MAML3: variants seen among roughly 807,000 people sequenced by gnomAD.
The protein encoded by MAML3 is mastermind-like protein 3.
MAML3 carries 27 observed loss-of-function variants against 101.9 expected under a neutral mutation model. The observed-to-expected ratio is 0.27, with a 90% CI of 0.20 to 0.37. The LOEUF is 0.37. Among genes scored for constraint, MAML3 ranks in the 10% least tolerant of loss-of-function variants. MAML3 has a pLI of 1.00. For synonymous variants in MAML3, 501 were observed against 555.9 expected, an observed-to-expected ratio of 0.90 and a Z score of 1.39; for missense variants, 1,316 against 1,444.9, an observed-to-expected ratio of 0.91 and a Z score of 1.45.
intron 1 of MAML3, among the ~76,000 whole-genome samples, chr4:140,030,373 G>T (rs2110890360): frequency 6.6e-6 from 1 of 152,302 alleles, no homozygotes; most frequent in East Asian, 1.9e-4. Flanking sequence ...GCCCTAAATT[G>T]TTCAACACTT....
At chr4:139,956,882 C>T (rs1169339697) in intron 1 of MAML3, among the ~76,000 whole-genome samples, 1 of 152,210 alleles carries the variant, frequency 6.6e-6, no homozygotes, top group Non-Finnish European at 1.5e-5. Flanking sequence ...CTTCCTGACC[C>T]TTAGAACAGA....
chr4:139,927,481 C>T (rs751001100), intron 1 of MAML3, among the ~76,000 whole-genome samples: 29 of 152,188 alleles, frequency 1.9e-4, no homozygotes, highest in African/African-American at 3.9e-4. Flanking sequence ...CTCCTCAAAT[C>T]GTTGCCCACT....
At chr4:140,104,999 G>C (rs1299065715) in intron 1 of MAML3, among the ~76,000 whole-genome samples, 1 of 152,094 alleles carries the variant, frequency 6.6e-6, no homozygotes, top group Non-Finnish European at 1.5e-5. Context: ...AGTGGGCACA[G>C]AGGATCCAGA....
intron 2 of MAML3, among the ~76,000 whole-genome samples, chr4:139,843,807 G>A (rs1402434044): frequency 6.6e-6 from 1 of 152,082 alleles, no homozygotes; most frequent in African/African-American, 2.4e-5. Flanking sequence ...CAAAAAATGA[G>A]CATTTCTTCA....
At position 139,719,774 on chromosome 4, in the gene MAML3, G is replaced by C; in HGVS notation, c.2966C>G (p.Pro989Arg). 6.2e-6 allele frequency: 10 copies of C among 1,613,702 alleles called. No individual in the cohort carries two copies. The highest frequency in any genetic ancestry group is 8.5e-6 in the Non-Finnish European group (10 of 1,179,900). Residue 989 changes from proline (P) to arginine (R), a missense_variant, in exon 5 of 5, where the codon CCT becomes CGT. By Grantham distance (103) the Pro-to-Arg change is moderately radical (BLOSUM62 -2). Coordinates refer to ENST00000509479, the MANE Select transcript of MAML3 (RefSeq NM_018717.5). ...CAGTCTCGGCTGCCCAGCTTGAAGA[G>C]GGTAGCTGGCGCCATTGTTGAATGG... The part of the protein sequence containing the change: ...LGPFNNGASY[P>R]LQAGQPRLTK...
chr4:140,024,326 C>T (rs1726785998), intron 1 of MAML3, among the ~76,000 whole-genome samples: 1 of 151,796 alleles, frequency 6.6e-6, no homozygotes, highest in South Asian at 2.1e-4. Flanking sequence ...CTCCTGGGCT[C>T]AAATGATCTC....
chr4:140,149,636 C>T (rs1578710638), intron 1 of MAML3, among the ~76,000 whole-genome samples: 1 of 152,166 alleles, frequency 6.6e-6, no homozygotes, highest in South Asian at 2.1e-4. Flanking sequence ...GTAAAGAATC[C>T]TATTCATCTT....
intron 1 of MAML3, among the ~76,000 whole-genome samples, chr4:139,911,645 G>A (rs1560833577): frequency 6.6e-6 from 1 of 152,188 alleles, no homozygotes; most frequent in African/African-American, 2.4e-5. Flanking sequence ...TATTAGGTAG[G>A]AGGTGCAGCC....
intron 1 of MAML3, among the ~76,000 whole-genome samples, chr4:140,007,409 A>G (rs991975391): frequency 6.6e-6 from 1 of 152,208 alleles, no homozygotes; most frequent in Non-Finnish European, 1.5e-5. Context: ...GATTCTTCCT[A>G]ATGCTAATTC....
In MAML3 at chr4:140,086,458, C is replaced by T. The variant is rs905542281; in HGVS notation, c.468+66402G>A. Among the ~76,000 whole-genome samples, 6 of 152,186 alleles carry T rather than the reference C, an allele frequency of 3.9e-5. No individual in the cohort carries two copies. The East Asian group carries it at 1.2e-3, about 29-fold the overall frequency. ...AGTGGTTTTACATGCTTTATTCCAA[C>T]GATCTTCTCAGTATCAATGTGAGAA... On this transcript the variant is annotated intron_variant, in intron 1 of 4. Transcript: ENST00000509479.
rs35138742 is a variant in MAML3 at position 139,747,297 on chromosome 4, C to T, written c.2080-16630G>A. ...GGAGGAGGGAGAAGAGTGCAGAGCG[C>T]GGGCAACTTTCCCCCACCTTTTAGA... On this transcript the variant is annotated intron_variant, in intron 2 of 4. Coordinates refer to ENST00000509479, the MANE Select transcript of MAML3 (RefSeq NM_018717.5). Among the ~76,000 whole-genome samples the T allele has an allele frequency of 4.5e-3, 682 of 152,252 alleles. 4 individuals are homozygous for T. The highest frequency in any genetic ancestry group is 7.2e-3 in the Non-Finnish European group (493 of 68,008).
At chr4:140,129,100 C>T (rs1020204996) in intron 1 of MAML3, among the ~76,000 whole-genome samples, 22 of 151,914 alleles carry the variant, frequency 1.4e-4, no homozygotes, top group African/African-American at 5.3e-4. Flanking sequence ...ACTCAGTAGC[C>T]TCATCTTTTA....
chr4:139,748,053 TAAAAAAAAAAAAA>T (rs34801574), intron 2 of MAML3, among the ~76,000 whole-genome samples: 5 of 95,538 alleles, frequency 5.2e-5, no homozygotes, highest in African/African-American at 2.0e-4. Context: ...AGACTTCGTC[TAAAAAAAAAAAAA>T]AAAAAAAAAA....
intron 2 of MAML3, among the ~76,000 whole-genome samples, chr4:139,756,287 A>T (rs1158598620): frequency 6.6e-6 from 1 of 152,224 alleles, no homozygotes; most frequent in Admixed American, 6.5e-5. Flanking sequence ...CTGATAAAAC[A>T]TTATTCACTT....
intron 2 of MAML3, among the ~76,000 whole-genome samples, chr4:139,830,396 T>C (rs1234055368): frequency 3.3e-5 from 5 of 152,056 alleles, no homozygotes; most frequent in South Asian, 2.1e-4. Flanking sequence ...ATAAATACTT[T>C]TGCACGCTGT....
At chr4:140,043,507 C>A (rs1727121669) in intron 1 of MAML3, among the ~76,000 whole-genome samples, 1 of 152,228 alleles carries the variant, frequency 6.6e-6, no homozygotes, top group African/African-American at 2.4e-5. Flanking sequence ...CATTCAACTT[C>A]TTCCCTTCCT....
At chr4:139,783,452 G>A (rs895025656) in intron 2 of MAML3, among the ~76,000 whole-genome samples, 2 of 152,218 alleles carry the variant, frequency 1.3e-5, no homozygotes, top group African/African-American at 4.8e-5. Context: ...TGCAGTGGCT[G>A]CAACACAAAC....
At chr4:139,838,842 G>GT (rs1287409287) in intron 2 of MAML3, among the ~76,000 whole-genome samples, 1 of 152,120 alleles carries the variant, frequency 6.6e-6, no homozygotes, top group African/African-American at 2.4e-5. Context: ...TCAAGATGTG[G>GT]TGTCCTCCTC....
chr4:139,929,873 T>C (rs184814152), intron 1 of MAML3, among the ~76,000 whole-genome samples: 1 of 152,286 alleles, frequency 6.6e-6, no homozygotes, highest in Admixed American at 6.5e-5. Flanking sequence ...ACTTTTCTTC[T>C]ATTCGATTGG....
Sources: gnomAD v4.1 joint callset for allele counts (sites outside exome capture counted in the v4.1 genomes callset) on GRCh38, gnomAD v4.1.1 for gene constraint, MANE v1.5 for transcripts, NCBI Gene and HGNC (gene_info 2026-07-23, HGNC 2026-07-21) for gene names.